The following PDE1A variants were observed in gnomAD, a reference collection of about 807,000 sequenced individuals.
PDE1A encodes the protein phosphodiesterase 1A.
Under a neutral mutation model 61.7 loss-of-function variants are expected in PDE1A, and 35 were observed. That is an observed-to-expected ratio of 0.57 (90% CI 0.43 to 0.75). PDE1A has a LOEUF of 0.75. Among genes scored for constraint, PDE1A ranks in the 30% least tolerant of loss-of-function variants. PDE1A has a pLI of 0.00. For missense variants in PDE1A, 597 were observed against 630.6 expected (o/e 0.95, Z 0.57); for synonymous variants, 232 against 213.2 (o/e 1.09, Z -0.77).
rs540008179 is a variant in PDE1A, at chr2:182,219,680, G to A, written c.776+4184C>T. Among the ~76,000 whole-genome samples the A allele has an allele frequency of 2.0e-5, 3 of 152,188 alleles. No homozygotes were observed. In the South Asian group the frequency reaches 6.2e-4, roughly 32 times the overall value. On this transcript the variant is annotated intron_variant, in intron 7 of 13. Coordinates refer to ENST00000351439, the Ensembl canonical transcript of PDE1A. ...GCCTCACTCCAGACTTACTGTTTCA[G>A]GCTTTTCAGTGGGTAAAGTCCTAGT...
At chr2:182,341,307 A>C (rs1698167551) in intron 1 of PDE1A, among the ~76,000 whole-genome samples, 1 of 152,228 alleles carries the variant, frequency 6.6e-6, no homozygotes, top group Non-Finnish European at 1.5e-5. Flanking sequence ...CTAACTCCTC[A>C]TCCACAGCAT....
the PDE1A span, among the ~76,000 whole-genome samples, chr2:182,702,553 A>G: frequency 6.6e-6 from 1 of 152,248 alleles, no homozygotes; most frequent in African/African-American, 2.4e-5. Flanking sequence ...TATGTGATGC[A>G]CTTCATAAAA....
intron 2 of PDE1A, among the ~76,000 whole-genome samples, chr2:182,501,624 C>T (rs1393234670): frequency 6.6e-6 from 1 of 152,160 alleles, no homozygotes; most frequent in South Asian, 2.1e-4. Context: ...TTGTCTAATT[C>T]AATATGTGTT....
intron 2 of PDE1A, among the ~76,000 whole-genome samples, chr2:182,432,624 T>A (rs1704012975): frequency 6.6e-6 from 1 of 152,136 alleles, no homozygotes; most frequent in Non-Finnish European, 1.5e-5. Context: ...TATCTCATCA[T>A]CTTTTTATAT....
chr2:182,238,976 C>T (rs1017687532), intron 3 of PDE1A, among the ~76,000 whole-genome samples: 1 of 152,108 alleles, frequency 6.6e-6, no homozygotes, highest in East Asian at 1.9e-4. Flanking sequence ...AACATACTCT[C>T]ATGTTTCATC....
At chr2:182,231,241 A>T in intron 4 of PDE1A, 110 bp from the exon 5 acceptor site, 1 of 675,544 alleles carries the variant, frequency 1.5e-6, no homozygotes, top group Non-Finnish European at 2.6e-6. Flanking sequence ...TCAATTTAGC[A>T]TGTCAAACTA....
At chr2:182,294,753 A>T (rs1255339875) in intron 1 of PDE1A, among the ~76,000 whole-genome samples, 1 of 152,152 alleles carries the variant, frequency 6.6e-6, no homozygotes, top group Non-Finnish European at 1.5e-5. Flanking sequence ...TTTCTGTTTT[A>T]AAAAATGTGA....
chr2:182,472,400 C>T (rs1334411698), intron 2 of PDE1A, among the ~76,000 whole-genome samples: 3 of 151,958 alleles, frequency 2.0e-5, no homozygotes, highest in Non-Finnish European at 2.9e-5. Context: ...AAAATCATGT[C>T]TTTTGCAGCA....
intron 7 of PDE1A, among the ~76,000 whole-genome samples, chr2:182,212,739 T>C (rs534061857): frequency 1.6e-4 from 25 of 152,338 alleles, no homozygotes; most frequent in Admixed American, 8.5e-4. Flanking sequence ...CACGAGATTA[T>C]ATCCCGCACC....
chr2:182,240,192 C>T (rs1225988822), exon 3 of PDE1A: 11 of 1,613,918 alleles, frequency 6.8e-6, no homozygotes, highest in Non-Finnish European at 9.3e-6. Context: ...TTTGTCATCC[C>T]CATTTTCCGT....
intron 2 of PDE1A, among the ~76,000 whole-genome samples, chr2:182,458,049 T>C (rs1686039008): frequency 6.6e-6 from 1 of 151,998 alleles, no homozygotes; most frequent in African/African-American, 2.4e-5. Flanking sequence ...CAAATGTACA[T>C]AAAAAATACA....
rs187477407 is a variant in PDE1A, at chr2:182,192,602, T to C, written c.1126-3542A>G. ...AAAGCAGAGGTCATCGCAATAAGCA[T>C]TGTGAAAGAAGAATTTATATTTTTC... On this transcript the variant is annotated intron_variant, in intron 10 of 13. Transcript: ENST00000351439. Among the ~76,000 whole-genome samples, 34 of 152,206 alleles carry C rather than the reference T, an allele frequency of 2.2e-4. 1 individual carries two copies. The East Asian group carries it at 5.4e-3, about 24-fold the overall frequency.
intron 1 of PDE1A, among the ~76,000 whole-genome samples, chr2:182,310,171 C>T (rs943021005): frequency 6.6e-6 from 1 of 152,128 alleles, no homozygotes; most frequent in Non-Finnish European, 1.5e-5. Flanking sequence ...ACATTGCACA[C>T]ATTATTGTTA....
the PDE1A span, among the ~76,000 whole-genome samples, chr2:182,531,290 T>A: frequency 6.6e-6 from 1 of 151,518 alleles, no homozygotes; most frequent in Admixed American, 6.6e-5. Flanking sequence ...TGTCAATAAT[T>A]ACATTAAATG....
At chr2:182,261,493 A>C (rs892132295) in intron 2 of PDE1A, among the ~76,000 whole-genome samples, 1 of 152,192 alleles carries the variant, frequency 6.6e-6, no homozygotes, top group Admixed American at 6.5e-5. Flanking sequence ...ATTATAATAA[A>C]ATAATAAAAA....
intron 1 of PDE1A, among the ~76,000 whole-genome samples, chr2:182,346,597 T>C (rs1698533890): frequency 7.9e-6 from 1 of 126,644 alleles, no homozygotes; most frequent in African/African-American, 2.6e-5. Context: ...GAGTATACCC[T>C]AAAAAGTAAG....
At chr2:182,371,830 G>A (rs905909729) in intron 1 of PDE1A, among the ~76,000 whole-genome samples, 1 of 152,150 alleles carries the variant, frequency 6.6e-6, no homozygotes, top group Admixed American at 6.5e-5. Flanking sequence ...CTGTCACCAG[G>A]CTGGAGTGCA....
At chr2:182,379,938 G>A (rs1250739670) in intron 1 of PDE1A, among the ~76,000 whole-genome samples, 1 of 151,984 alleles carries the variant, frequency 6.6e-6, no homozygotes, top group Non-Finnish European at 1.5e-5. Context: ...ACTTCTGAAC[G>A]TGGCATACAA....
chr2:182,296,226 G>A (rs948988001), intron 1 of PDE1A, among the ~76,000 whole-genome samples: 2 of 152,050 alleles, frequency 1.3e-5, no homozygotes, highest in East Asian at 1.9e-4. Flanking sequence ...AGCTCACCTC[G>A]GGCTCTCTGG....
Sources: gnomAD v4.1 joint callset for allele counts (sites outside exome capture counted in the v4.1 genomes callset) on GRCh38, gnomAD v4.1.1 for gene constraint, MANE v1.5 for transcripts, NCBI Gene and HGNC (gene_info 2026-07-23, HGNC 2026-07-21) for gene names.